PRR33: variants seen among roughly 807,000 people sequenced by gnomAD.
The protein encoded by PRR33 is proline-rich protein 33.
A neutral mutation model predicts 0.5 loss-of-function variants in PRR33; 1 was observed. That is an observed-to-expected ratio of 2.18 (90% CI 0.77 to 10.34). PRR33 has a LOEUF of 10.34. Among genes scored for constraint, PRR33 ranks in the 30% most tolerant of loss-of-function variants. PRR33 has a pLI of 0.13. For synonymous variants in PRR33, 226 were observed against 110.0 expected, an observed-to-expected ratio of 2.06 and a Z score of -6.60; for missense variants, 552 against 251.8, an observed-to-expected ratio of 2.19 and a Z score of -8.07.
the PRR33 span, among the ~76,000 whole-genome samples, chr11:1,903,440 C>G: frequency 6.6e-6 from 1 of 152,166 alleles, no homozygotes; most frequent in Non-Finnish European, 1.5e-5. Flanking sequence ...GCCACCTTGC[C>G]AGGCCTCATT....
the PRR33 span, among the ~76,000 whole-genome samples, chr11:1,911,713 G>A: frequency 2.6e-5 from 4 of 151,734 alleles, no homozygotes; most frequent in Non-Finnish European, 5.9e-5. Flanking sequence ...GAGTCACTGC[G>A]CCCGGACCTC....
chr11:1,889,262 G>C, exon 1 of PRR33: 1 of 679,082 alleles, frequency 1.5e-6, no homozygotes, highest in Non-Finnish European at 2.7e-6. Context: ...TCCGGGCGTT[G>C]AAGCGAGGCC....
the PRR33 span, among the ~76,000 whole-genome samples, chr11:1,898,281 G>C: frequency 6.6e-6 from 1 of 151,770 alleles, no homozygotes; most frequent in Non-Finnish European, 1.5e-5. Context: ...GTCGGCTGGA[G>C]TGCAGCGGCG....
At chr11:1,893,437 C>T (rs1849073760), upstream of PRR33, among the ~76,000 whole-genome samples, 1 of 130,224 alleles carries the variant, frequency 7.7e-6, no homozygotes, top group Non-Finnish European at 1.8e-5. Context: ...GGCTGGCTGG[C>T]TGGCTGGCTG....
chr11:1,890,360 G>A, exon 1 of PRR33: 2 of 716,498 alleles, frequency 2.8e-6, no homozygotes, highest in Admixed American at 2.0e-5. Flanking sequence ...TGACCTCCTG[G>A]TCATGGCTGG....
exon 1 of PRR33, chr11:1,889,619 T>C: frequency 1.6e-6 from 1 of 612,400 alleles, no homozygotes; most frequent in Non-Finnish European, 3.0e-6. Context: ...GGTGAGGGCC[T>C]GATGGTGGGG....
chr11:1,916,809 G>C, the PRR33 span, among the ~76,000 whole-genome samples: 1 of 152,110 alleles, frequency 6.6e-6, no homozygotes. Context: ...TCCCGTCCAC[G>C]GCCACAGCAA....
chr11:1,896,413 G>A (rs866394862), upstream of PRR33, among the ~76,000 whole-genome samples: 1 of 152,158 alleles, frequency 6.6e-6, no homozygotes, highest in African/African-American at 2.4e-5. Context: ...ATACAGTTAG[G>A]AAGTGGTATT....
At chr11:1,914,368 TGCTC>T in the PRR33 span, among the ~76,000 whole-genome samples, 11 of 148,192 alleles carry the variant, frequency 7.4e-5, no homozygotes, top group Admixed American at 4.0e-4. Flanking sequence ...GGGATGATGT[TGCTC>T]CTTATGTGTG....
chr11:1,900,709 A>T, the PRR33 span, among the ~76,000 whole-genome samples: 2 of 152,232 alleles, frequency 1.3e-5, no homozygotes, highest in South Asian at 4.1e-4. Context: ...GTGACAGCAT[A>T]TACCCGGATG....
chr11:1,908,188 A>G, the PRR33 span, among the ~76,000 whole-genome samples: 2 of 152,210 alleles, frequency 1.3e-5, no homozygotes, highest in Non-Finnish European at 2.9e-5. Context: ...GGGGAGCTCT[A>G]AATATGAATC....
chr11:1,916,672 C>G, the PRR33 span, among the ~76,000 whole-genome samples: 1 of 152,126 alleles, frequency 6.6e-6, no homozygotes, highest in Non-Finnish European at 1.5e-5. Flanking sequence ...GCCCACCCCG[C>G]CCCCGACCAG....
the PRR33 span, among the ~76,000 whole-genome samples, chr11:1,914,922 CTGTG>C: frequency 1.1e-5 from 1 of 91,168 alleles, no homozygotes; most frequent in African/African-American, 4.4e-5. Context: ...CTGTGTGTGT[CTGTG>C]TGTGTGTTGT....
chr11:1,890,320 G>GGTGCGGGCCCTCAGCAGC (rs1565091855), exon 1 of PRR33: 1 of 712,018 alleles, frequency 1.4e-6, no homozygotes, highest in Non-Finnish European at 2.6e-6. Context: ...GCTTCGGCGG[G>GGTGCGGGCCCTCAGCAGC]GTGCGGGCCC....
exon 1 of PRR33, chr11:1,890,215 C>A (rs1482402691): frequency 2.5e-5 from 18 of 716,660 alleles, no homozygotes; most frequent in Non-Finnish European, 4.2e-5. Context: ...AGGGGTGATG[C>A]CACGTGGTGG....
chr11:1,901,643 T>A, the PRR33 span, among the ~76,000 whole-genome samples: 3 of 151,996 alleles, frequency 2.0e-5, no homozygotes, highest in Non-Finnish European at 2.9e-5. Flanking sequence ...AGGCAGAAAA[T>A]GTATATATGA....
At chr11:1,899,299 C>T in the PRR33 span, among the ~76,000 whole-genome samples, 34 of 152,130 alleles carry the variant, frequency 2.2e-4, no homozygotes, top group African/African-American at 7.0e-4. Context: ...CCCTCTTGAG[C>T]GGTGAGATAA....
At chr11:1,899,554 G>T in the PRR33 span, among the ~76,000 whole-genome samples, 8 of 152,138 alleles carry the variant, frequency 5.3e-5, no homozygotes, top group African/African-American at 1.7e-4. Context: ...GTTCTATATA[G>T]GACTTCCAGG....
exon 1 of PRR33, chr11:1,890,343 G>C (rs138562835): frequency 1.4e-6 from 1 of 715,410 alleles, no homozygotes; most frequent in East Asian, 2.7e-5. Context: ...AGCAGCGTGC[G>C]GGGCTGTGAC....
Sources: gnomAD v4.1 joint callset for allele counts (sites outside exome capture counted in the v4.1 genomes callset) on GRCh38, gnomAD v4.1.1 for gene constraint, MANE v1.5 for transcripts, NCBI Gene and HGNC (gene_info 2026-07-23, HGNC 2026-07-21) for gene names.